Variants in AFG2A observed in about 807,000 individuals in gnomAD.
AFG2A encodes ATPase family gene 2 protein homolog A.
the AFG2A span, among the ~76,000 whole-genome samples, chr4:123,302,038 T>C: frequency 4.0e-5 from 6 of 151,890 alleles, no homozygotes; most frequent in African/African-American, 1.5e-4. Flanking sequence ...TGGGGCAAAA[T>C]GTGAGGGCTG....
the AFG2A span, among the ~76,000 whole-genome samples, chr4:123,124,940 G>A: frequency 8.5e-5 from 13 of 152,202 alleles, no homozygotes; most frequent in South Asian, 2.1e-3. Flanking sequence ...TTTGTTTGGC[G>A]ATTCTAAAAC....
At chr4:123,007,577 TGTGTG>T in the AFG2A span, among the ~76,000 whole-genome samples, 1 of 10,580 alleles carries the variant, frequency 9.5e-5, no homozygotes, top group African/African-American at 1.2e-4. Flanking sequence ...TATGTGTGTG[TGTGTG>T]TGTGTGTGTG....
chr4:123,299,267 C>T, the AFG2A span, among the ~76,000 whole-genome samples: 3 of 152,134 alleles, frequency 2.0e-5, no homozygotes, highest in African/African-American at 7.2e-5. Context: ...TCACATTCTT[C>T]AGTGTAACTT....
At chr4:123,311,167 A>G in the AFG2A span, among the ~76,000 whole-genome samples, 2 of 152,210 alleles carry the variant, frequency 1.3e-5, no homozygotes, top group African/African-American at 4.8e-5. Flanking sequence ...AGTACTAAAT[A>G]TAGTAGGGAA....
At chr4:123,016,552 C>G in the AFG2A span, among the ~76,000 whole-genome samples, 1 of 150,984 alleles carries the variant, frequency 6.6e-6, no homozygotes. Context: ...CTCCTCACTT[C>G]CTAGATGGGA....
At chr4:123,001,198 T>C in the AFG2A span, among the ~76,000 whole-genome samples, 1 of 151,188 alleles carries the variant, frequency 6.6e-6, no homozygotes, top group African/African-American at 2.4e-5. Context: ...TCTCTCTTTT[T>C]TTCTTTATTA....
chr4:123,031,982 T>C, the AFG2A span, among the ~76,000 whole-genome samples: 1 of 152,206 alleles, frequency 6.6e-6, no homozygotes, highest in Non-Finnish European at 1.5e-5. Context: ...TACTTTCCAG[T>C]TGAAATTTCC....
At chr4:122,979,819 C>G in the AFG2A span, among the ~76,000 whole-genome samples, 283 of 152,230 alleles carry the variant, frequency 1.9e-3, no homozygotes, top group Non-Finnish European at 2.9e-3. Flanking sequence ...CATCTGAGCC[C>G]TGGGGAATGT....
At chr4:122,929,806 C>A in the AFG2A span, among the ~76,000 whole-genome samples, 2 of 152,000 alleles carry the variant, frequency 1.3e-5, no homozygotes, top group African/African-American at 4.8e-5. Flanking sequence ...TTTGGACTAG[C>A]CCCATTTTAA....
the AFG2A span, among the ~76,000 whole-genome samples, chr4:123,058,150 C>T: frequency 2.0e-5 from 3 of 152,262 alleles, no homozygotes; most frequent in Non-Finnish European, 2.9e-5. Flanking sequence ...AGTCCATTTT[C>T]GTGCTGCTGA....
the AFG2A span, among the ~76,000 whole-genome samples, chr4:123,040,545 A>G: frequency 6.6e-6 from 1 of 152,196 alleles, no homozygotes; most frequent in East Asian, 1.9e-4. Flanking sequence ...AGATCCCACA[A>G]TACGTGGAAA....
chr4:123,058,226 G>A, the AFG2A span, among the ~76,000 whole-genome samples: 2 of 152,146 alleles, frequency 1.3e-5, no homozygotes, highest in Admixed American at 6.5e-5. Context: ...ACAGTTCCAC[G>A]TGGCTAGGAG....
At chr4:123,043,142 C>T in the AFG2A span, among the ~76,000 whole-genome samples, 1 of 152,124 alleles carries the variant, frequency 6.6e-6, no homozygotes, top group African/African-American at 2.4e-5. Context: ...TAAGGATATG[C>T]CATTCTAGCT....
At chr4:123,305,887 T>G in the AFG2A span, among the ~76,000 whole-genome samples, 1 of 152,202 alleles carries the variant, frequency 6.6e-6, no homozygotes, top group African/African-American at 2.4e-5. Flanking sequence ...TTGTTCTTAT[T>G]CTTCATGGCA....
the AFG2A span, among the ~76,000 whole-genome samples, chr4:123,174,210 A>G: frequency 6.6e-6 from 1 of 152,236 alleles, no homozygotes; most frequent in East Asian, 1.9e-4. Flanking sequence ...CAGTGACTAC[A>G]CTTCAAAATT....
the AFG2A span, among the ~76,000 whole-genome samples, chr4:123,283,650 T>C: frequency 6.6e-6 from 1 of 152,192 alleles, no homozygotes; most frequent in South Asian, 2.1e-4. Flanking sequence ...AAGAATGTTT[T>C]ACCTTTTTAA....
the AFG2A span, among the ~76,000 whole-genome samples, chr4:123,144,251 T>G: frequency 6.6e-6 from 1 of 152,144 alleles, no homozygotes; most frequent in African/African-American, 2.4e-5. Flanking sequence ...TCTCATTGTT[T>G]AGCTCTATAT....
chr4:122,939,452 A>G, the AFG2A span, among the ~76,000 whole-genome samples: 1 of 152,190 alleles, frequency 6.6e-6, no homozygotes, highest in Non-Finnish European at 1.5e-5. Flanking sequence ...CTAATAAGAG[A>G]ATAGGCATGA....
At chr4:123,313,813 T>G in the AFG2A span, 1 of 1,337,972 alleles carries the variant, frequency 7.5e-7, no homozygotes. Flanking sequence ...AGATGAATAT[T>G]TGGAATATTA....
Sources: allele counts gnomAD v4.1 joint callset (sites outside exome capture counted in the v4.1 genomes callset), GRCh38; gene constraint gnomAD v4.1.1; transcripts MANE v1.5; gene names NCBI Gene and HGNC (gene_info 2026-07-23, HGNC 2026-07-21).